DLGAP2: variants seen among roughly 807,000 people sequenced by gnomAD.
DLGAP2 encodes the protein disks large-associated protein 2.
DLGAP2 carries 26 observed loss-of-function variants against 100.3 expected under a neutral mutation model. That is an observed-to-expected ratio of 0.26 (90% CI 0.19 to 0.36). The LOEUF is 0.36. Ranked by LOEUF, DLGAP2 falls within the 10% of genes least tolerant of loss-of-function variation. DLGAP2 has a pLI of 1.00. For synonymous variants in DLGAP2, 886 were observed against 630.1 expected, an observed-to-expected ratio of 1.41 and a Z score of -6.08; for missense variants, 1,858 against 1,453.2, an observed-to-expected ratio of 1.28 and a Z score of -4.53.
chr8:1,104,046 C>T (rs565576134), intron 2 of DLGAP2, among the ~76,000 whole-genome samples: 122 of 152,200 alleles, frequency 8.0e-4, no homozygotes, highest in Non-Finnish European at 1.6e-3. Context: ...CACAGGATTG[C>T]TCGGCCGGCT....
rs143403023 is a variant in DLGAP2, at chr8:1,499,457, T to G, written c.107-1909T>G. On this transcript the variant is annotated intron_variant, in intron 3 of 14. Transcript: ENST00000637795. ...GCTCTGTTCTCACATTACTCACACA[T>G]ATGACGATGGTCTCCATGGAAACTG... 2.3e-3 allele frequency among the ~76,000 whole-genome samples: 357 copies of G among 152,362 alleles called. 1 individual carries two copies. Among genetic ancestry groups the G allele is most frequent in the Non-Finnish European group, 3.5e-3 (240 of 68,036 alleles).
chr8:1,284,406 A>G (rs1352846536), intron 3 of DLGAP2, among the ~76,000 whole-genome samples: 3 of 152,128 alleles, frequency 2.0e-5, no homozygotes, highest in Non-Finnish European at 4.4e-5. Context: ...TGCAGCACGG[A>G]GAGGAGACAG....
intron 3 of DLGAP2, among the ~76,000 whole-genome samples, chr8:1,305,780 A>G (rs780688891): frequency 5.3e-5 from 8 of 152,190 alleles, no homozygotes; most frequent in Non-Finnish European, 1.0e-4. Context: ...GACATTCGAG[A>G]GCACTTGAGT....
intron 2 of DLGAP2, among the ~76,000 whole-genome samples, chr8:1,171,628 C>T (rs1044008669): frequency 6.6e-6 from 1 of 152,118 alleles, no homozygotes; most frequent in Non-Finnish European, 1.5e-5. Context: ...ATCCCTTTAC[C>T]ATTATGTAAT....
chr8:1,199,454 A>G lies in DLGAP2; in HGVS notation c.74-59397A>G, dbSNP rs534697481. 5.9e-5 allele frequency among the ~76,000 whole-genome samples: 9 copies of G among 152,292 alleles called. No homozygotes were observed. In the East Asian group the frequency reaches 1.7e-3, roughly 29 times the overall value. On this transcript the variant is annotated intron_variant, in intron 2 of 14. Coordinates refer to ENST00000637795, the MANE Select transcript of DLGAP2 (RefSeq NM_001346810.2). ...AGTGGACATGTTAAAATGTTGGATA[A>G]AAGTAGGGTAGGAGGACACAGTAAA...
At chr8:1,408,254 G>T (rs740238) in intron 3 of DLGAP2, among the ~76,000 whole-genome samples, 51,617 of 151,990 alleles carry the variant, frequency 0.34, 9,310 homozygotes, top group East Asian at 0.64. Context: ...TCCACTTTCC[G>T]CGATGCCATT....
chr8:1,019,663 G>A (rs1231696491), intron 2 of DLGAP2: 1 of 152,080 alleles, frequency 6.6e-6, no homozygotes, highest in Non-Finnish European at 1.5e-5. Context: ...ATTTTTCAGG[G>A]TTTGCTTTGG....
intron 1 of DLGAP2, among the ~76,000 whole-genome samples, chr8:862,492 C>T (rs369292979): frequency 7.2e-5 from 11 of 151,948 alleles, no homozygotes; most frequent in Non-Finnish European, 1.5e-4. Context: ...TTACTAGAGA[C>T]GGGATTTTGC....
intron 3 of DLGAP2, among the ~76,000 whole-genome samples, chr8:1,374,662 A>G (rs1026646075): frequency 6.6e-5 from 10 of 152,166 alleles, no homozygotes; most frequent in African/African-American, 1.4e-4. Context: ...CTCCAAGTTC[A>G]TTTCTGAGTC....
intron 2 of DLGAP2, among the ~76,000 whole-genome samples, chr8:1,127,564 A>G (rs1327720581): frequency 6.6e-6 from 1 of 152,146 alleles, no homozygotes; most frequent in African/African-American, 2.4e-5. Flanking sequence ...CCTGCATCCG[A>G]TGGACATTGC....
chr8:762,552 G>A (rs1485074544), intron 1 of DLGAP2, among the ~76,000 whole-genome samples: 1 of 152,104 alleles, frequency 6.6e-6, no homozygotes, highest in Non-Finnish European at 1.5e-5. Context: ...ACTCCCAGGG[G>A]TCACCCCCTG....
At chr8:1,292,651 C>T (rs994358210) in intron 3 of DLGAP2, among the ~76,000 whole-genome samples, 5 of 152,304 alleles carry the variant, frequency 3.3e-5, no homozygotes, top group Middle Eastern at 3.4e-3. Flanking sequence ...CCCAATGTAA[C>T]GGCCTCCGTC....
intron 2 of DLGAP2, among the ~76,000 whole-genome samples, chr8:1,058,360 G>A (rs542733126): frequency 1.3e-4 from 20 of 152,336 alleles, no homozygotes; most frequent in African/African-American, 4.8e-4. Flanking sequence ...GCTCCGACGG[G>A]CGACCTGACT....
chr8:1,315,040 G>A (rs1022166894), intron 3 of DLGAP2, among the ~76,000 whole-genome samples: 3 of 152,200 alleles, frequency 2.0e-5, no homozygotes, highest in African/African-American at 7.2e-5. Flanking sequence ...CCGCTCCGTG[G>A]CGGTGGTTTT....
At chr8:1,263,787 C>T (rs959799434) in intron 3 of DLGAP2, among the ~76,000 whole-genome samples, 2 of 152,134 alleles carry the variant, frequency 1.3e-5, no homozygotes, top group Non-Finnish European at 2.9e-5. Context: ...AGGGAGGGCA[C>T]CACTGTTTCA....
rs74778370 is a variant in DLGAP2, at chr8:1,585,800, C to A, written c.1442+19906C>A. ...ATCAGTTATTAAACTGATGCTTAAACTGTAAAATTATGACTCATTGTAAAG... is the reference window on the plus strand; with the variant it reads ...ATCAGTTATTAAACTGATGCTTAAAATGTAAAATTATGACTCATTGTAAAG... On this transcript the variant is annotated intron_variant, in intron 6 of 14. Coordinates refer to ENST00000637795, the MANE Select transcript of DLGAP2 (RefSeq NM_001346810.2). 2.0e-5 allele frequency among the ~76,000 whole-genome samples: 3 copies of A among 152,188 alleles called. No homozygotes were observed. In the East Asian group the frequency reaches 5.8e-4, roughly 29 times the overall value.
rs150557814 is a variant in DLGAP2, at chr8:1,440,898, A to G, written c.107-60468A>G. 1.2e-3 allele frequency among the ~76,000 whole-genome samples: 185 copies of G among 152,312 alleles called. 1 individual carries two copies. The highest frequency in any genetic ancestry group is 4.2e-3 in the African/African-American group (174 of 41,562). On this transcript the variant is annotated intron_variant, in intron 3 of 14. Coordinates refer to ENST00000637795, the MANE Select transcript of DLGAP2 (RefSeq NM_001346810.2). The stretch of plus-strand genomic sequence containing the variant: ...CATCCTAAACTGCTACTTTCATGCC[A>G]AGTTTGGAGGACTGTCTTCTGAAAT...
chr8:1,009,695 C>G (rs913705700), intron 2 of DLGAP2, among the ~76,000 whole-genome samples: 11 of 152,156 alleles, frequency 7.2e-5, no homozygotes, highest in Non-Finnish European at 1.6e-4. Context: ...GATGAAGAAC[C>G]AGAAATGGAA....
intron 1 of DLGAP2, among the ~76,000 whole-genome samples, chr8:779,218 C>T (rs1254580594): frequency 6.6e-6 from 1 of 152,220 alleles, no homozygotes; most frequent in Non-Finnish European, 1.5e-5. Flanking sequence ...GTGCGCGCAC[C>T]CACTGACCTG....
Sources: gnomAD v4.1 joint callset for allele counts (sites outside exome capture counted in the v4.1 genomes callset) on GRCh38, gnomAD v4.1.1 for gene constraint, MANE v1.5 for transcripts, NCBI Gene and HGNC (gene_info 2026-07-23, HGNC 2026-07-21) for gene names.